The following KLRG2 variants were observed in gnomAD, a reference collection of about 807,000 sequenced individuals.
The protein encoded by KLRG2 is killer cell lectin like receptor G2.
Under a neutral mutation model 35.4 loss-of-function variants are expected in KLRG2, and 39 were observed. The observed-to-expected ratio is 1.10, with a 90% CI of 0.85 to 1.44. The LOEUF (loss-of-function observed/expected upper bound fraction) is 1.44, where lower values mean the gene tolerates loss of function less well. Ranked by LOEUF, KLRG2 falls within the 40% of genes most tolerant of loss-of-function variation. The pLI, the probability that KLRG2 is intolerant of heterozygous loss-of-function variation, is 0.00. For synonymous variants in KLRG2, 283 were observed against 265.8 expected (o/e 1.06, Z -0.63); for missense variants, 632 against 570.9 (o/e 1.11, Z -1.09).
chr7:139,465,528 T>TA lies in KLRG2; in HGVS notation c.1006-11315dup, dbSNP rs1448293420. ...TAACACGGTGAAACCCCGTCTCTAC[T>TA]AAAAATACAAAAAATTAGCCAGGCA... On this transcript the variant is annotated intron_variant, in intron 3 of 4. Transcript: ENST00000340940. Among the ~76,000 whole-genome samples the TA allele has an allele frequency of 2.8e-4, 42 of 151,980 alleles. 1 individual carries two copies. Among genetic ancestry groups the TA allele is most frequent in the African/African-American group, 7.2e-4 (30 of 41,478 alleles).
the KLRG2 span, among the ~76,000 whole-genome samples, chr7:139,438,177 G>A: frequency 2.3e-4 from 35 of 152,374 alleles, 1 homozygote; most frequent in African/African-American, 7.5e-4. Context: ...ATGTAGGGGA[G>A]CCCAGCTGAG....
chr7:139,445,454 C>T, the KLRG2 span, among the ~76,000 whole-genome samples: 1 of 151,926 alleles, frequency 6.6e-6, no homozygotes, highest in Non-Finnish European at 1.5e-5. Flanking sequence ...ATCAAGCACA[C>T]AGATGATTTC....
intron 1 of KLRG2, among the ~76,000 whole-genome samples, chr7:139,482,223 G>A (rs1178727943): frequency 6.6e-6 from 1 of 152,216 alleles, no homozygotes; most frequent in Non-Finnish European, 1.5e-5. Flanking sequence ...GAAAGTCCTT[G>A]GCAGTGCAGG....
chr7:139,470,807 A>C (rs1796742253), intron 3 of KLRG2, among the ~76,000 whole-genome samples: 2 of 151,928 alleles, frequency 1.3e-5, no homozygotes, highest in Non-Finnish European at 1.5e-5. Context: ...AAAAACAAAA[A>C]TAAAATAAAA....
At chr7:139,449,271 G>C (rs1203769019), downstream of KLRG2, among the ~76,000 whole-genome samples, 1 of 151,450 alleles carries the variant, frequency 6.6e-6, no homozygotes, top group Non-Finnish European at 1.5e-5. Context: ...GCATGGTGGC[G>C]GGCACCTATA....
At chr7:139,457,397 C>T (rs1273170636) in intron 3 of KLRG2, among the ~76,000 whole-genome samples, 1 of 152,204 alleles carries the variant, frequency 6.6e-6, no homozygotes, top group African/African-American at 2.4e-5. Context: ...CAGGCTACCC[C>T]ATATGCAAAT....
the KLRG2 span, among the ~76,000 whole-genome samples, chr7:139,432,291 TG>T: frequency 6.6e-6 from 1 of 151,868 alleles, no homozygotes; most frequent in South Asian, 2.1e-4. Context: ...AGGATGAGAC[TG>T]CAGTGAGCTG....
chr7:139,465,799 G>T (rs1251593730), intron 3 of KLRG2, among the ~76,000 whole-genome samples: 2 of 152,002 alleles, frequency 1.3e-5, no homozygotes, highest in Non-Finnish European at 2.9e-5. Context: ...TGCATATGCT[G>T]ATAAGGTAGC....
intron 3 of KLRG2, among the ~76,000 whole-genome samples, chr7:139,469,119 T>C (rs1243515437): frequency 1.3e-5 from 2 of 152,174 alleles, no homozygotes; most frequent in African/African-American, 2.4e-5. Context: ...GTCTGCAGTA[T>C]TTTGCTATAG....
the KLRG2 span, among the ~76,000 whole-genome samples, chr7:139,445,809 G>GTATATATATATATATGTATATATAT: frequency 1.1e-5 from 1 of 89,612 alleles, no homozygotes; most frequent in African/African-American, 1.1e-4. Context: ...ATATATATAT[G>GTATATATATATATATGTATATATAT]ACGGAGTTTT....
intron 3 of KLRG2, among the ~76,000 whole-genome samples, chr7:139,463,162 C>T (rs145407877): frequency 0.076 from 11,495 of 152,222 alleles, 576 homozygotes; most frequent in Non-Finnish European, 0.11. Context: ...GGCTCTTTTT[C>T]ATCAAATAGA....
chr7:139,467,982 C>T (rs934981022), intron 3 of KLRG2, among the ~76,000 whole-genome samples: 2 of 152,168 alleles, frequency 1.3e-5, no homozygotes, highest in Non-Finnish European at 2.9e-5. Flanking sequence ...AGGGGAAAAC[C>T]GCCTTAGGGC....
At chr7:139,433,028 C>T in the KLRG2 span, among the ~76,000 whole-genome samples, 2 of 152,090 alleles carry the variant, frequency 1.3e-5, no homozygotes, top group Non-Finnish European at 2.9e-5. Context: ...ATTCTGACTT[C>T]GGACACCACT....
At chr7:139,445,797 G>GTGTATATATA in the KLRG2 span, among the ~76,000 whole-genome samples, 5 of 99,074 alleles carry the variant, frequency 5.0e-5, no homozygotes, top group African/African-American at 3.8e-4. Flanking sequence ...ATATATGTGT[G>GTGTATATATA]TATATATATA....
At chr7:139,478,077 G>GA (rs148011262) in intron 3 of KLRG2, among the ~76,000 whole-genome samples, 17,947 of 143,120 alleles carry the variant, frequency 0.13, 1,245 homozygotes, top group East Asian at 0.28. Context: ...TTTAAATGGG[G>GA]AAAAAAAAAA....
intron 3 of KLRG2, among the ~76,000 whole-genome samples, chr7:139,476,940 G>C (rs1225641154): frequency 1.3e-5 from 2 of 152,112 alleles, no homozygotes; most frequent in African/African-American, 2.4e-5. Flanking sequence ...TCTTAGCTTT[G>C]TCAAGGTGGG....
At position 139,483,483 on chromosome 7, in the gene KLRG2, C is replaced by A; in HGVS notation, c.160G>T (p.Val54Leu). Residue 54 changes from valine to leucine, a missense_variant, in exon 1 of 5, where the codon GTG becomes TTG. Physicochemically the swap from Val to Leu is conservative, Grantham distance 32. Transcript: ENST00000340940. ...PESSPSPAGA[V>L]EKAAGAGLEP... Reference sequence around the variant, plus strand: ...AGGCCTGCGCCCGCCGCCTTCTCCACGGCCCCGGCCGGACTTGGGCTGCTT... The same window carrying A: ...AGGCCTGCGCCCGCCGCCTTCTCCAAGGCCCCGGCCGGACTTGGGCTGCTT... The A allele has an allele frequency of 6.3e-7, 1 of 1,593,082 alleles. No individual in the cohort carries two copies. The highest frequency in any genetic ancestry group is 1.1e-5 in the South Asian group (1 of 89,806).
At chr7:139,480,960 T>C (rs1585179404) in intron 1 of KLRG2, among the ~76,000 whole-genome samples, 1 of 151,722 alleles carries the variant, frequency 6.6e-6, no homozygotes, top group African/African-American at 2.4e-5. Flanking sequence ...GTCAGGCTGG[T>C]CTTGAACTCC....
At chr7:139,428,562 T>TA in the KLRG2 span, among the ~76,000 whole-genome samples, 2 of 152,206 alleles carry the variant, frequency 1.3e-5, no homozygotes, top group South Asian at 2.1e-4. Context: ...CCTGGCCAGT[T>TA]ACATTTTTTG....
Sources: allele counts gnomAD v4.1 joint callset (sites outside exome capture counted in the v4.1 genomes callset), GRCh38; gene constraint gnomAD v4.1.1; transcripts MANE v1.5; gene names NCBI Gene and HGNC (gene_info 2026-07-23, HGNC 2026-07-21).